CUL2: variants seen among roughly 807,000 people sequenced by gnomAD.
The protein encoded by CUL2 is cullin 2.
A neutral mutation model predicts 110.2 loss-of-function variants in CUL2; 22 were observed. The ratio of observed to expected loss-of-function variants is 0.20; its 90% confidence interval spans 0.14 to 0.28. CUL2 has a LOEUF of 0.28. CUL2 is among the 10% of genes least tolerant of loss of function. The probability of loss-of-function intolerance (pLI) is 1.00; values close to 1 mark genes in which losing one functional copy is unlikely to be tolerated. For synonymous variants in CUL2, 279 were observed against 293.2 expected (o/e 0.95, Z 0.49); for missense variants, 631 against 905.5 (o/e 0.70, Z 3.89).
At chr10:35,042,522 C>T (rs1238226659) in intron 8 of CUL2, among the ~76,000 whole-genome samples, 2 of 152,142 alleles carry the variant, frequency 1.3e-5, no homozygotes, top group African/African-American at 4.8e-5. Context: ...GGACTCTAAT[C>T]TTGCCCTACC....
chr10:35,037,034 C>G (rs1564711481), intron 9 of CUL2, among the ~76,000 whole-genome samples: 1 of 152,182 alleles, frequency 6.6e-6, no homozygotes. Flanking sequence ...ATGTAGTTCA[C>G]TGGATCAATC....
chr10:35,040,868 G>C (rs991725366), intron 8 of CUL2, among the ~76,000 whole-genome samples: 2 of 152,182 alleles, frequency 1.3e-5, no homozygotes, highest in Non-Finnish European at 2.9e-5. Flanking sequence ...CGCTCTGTGA[G>C]AATCTATGAG....
intron 1 of CUL2, among the ~76,000 whole-genome samples, chr10:35,073,550 G>A (rs77025207): frequency 6.6e-6 from 1 of 151,182 alleles, no homozygotes; most frequent in African/African-American, 2.4e-5. Context: ...ATTCTGACAG[G>A]TAGGTCCACT....
intron 2 of CUL2, among the ~76,000 whole-genome samples, chr10:35,096,457 C>T (rs1246628683): frequency 6.6e-6 from 1 of 151,362 alleles, no homozygotes; most frequent in Non-Finnish European, 1.5e-5. Flanking sequence ...ATAAATACAA[C>T]AAAATAGCAG....
intron 10 of CUL2, among the ~76,000 whole-genome samples, chr10:35,034,296 T>C (rs1397707504): frequency 6.6e-6 from 1 of 152,106 alleles, no homozygotes; most frequent in African/African-American, 2.4e-5. Flanking sequence ...AATAGAGTAA[T>C]AAACCTGAAT....
Position 35,025,202 on chromosome 10 carries a change from TAAAA to T in CUL2, c.1618-8_1618-5del. 54 of 1,434,186 alleles carry T rather than the reference TAAAA, an allele frequency of 3.8e-5. No individual in the cohort carries two copies. Among genetic ancestry groups the T allele is most frequent in the Admixed American group, 1.1e-4 (4 of 37,490 alleles). 88.8% of individuals were successfully genotyped at this position (1,434,186 alleles called of 1,614,324 possible). A position where few individuals can be genotyped will look rare whatever the true frequency, so the allele number is the denominator to read the frequency against. ...GTTGGCTATAAAATAATTCAAACTG[TAAAA>T]AAAAAAAAAAAACACACATTATTTT... is the stretch of plus-strand genomic sequence containing the variant. On this transcript the variant is annotated splice_region_variant and splice_polypyrimidine_tract_variant and intron_variant, in intron 16 of 20. Coordinates refer to ENST00000374749, the MANE Select transcript of CUL2 (RefSeq NM_003591.4).
chr10:35,088,785 A>C (rs1257497410), intron 1 of CUL2, among the ~76,000 whole-genome samples: 1 of 152,226 alleles, frequency 6.6e-6, no homozygotes, highest in African/African-American at 2.4e-5. Context: ...AAATACTCAA[A>C]AAGCAATTGA....
chr10:35,029,224 A>G (rs1047757235), intron 15 of CUL2, among the ~76,000 whole-genome samples: 3 of 151,950 alleles, frequency 2.0e-5, no homozygotes, highest in Admixed American at 6.6e-5. Context: ...CACCTGGCTA[A>G]TTTTTGCATT....
chr10:35,075,635 A>AACACACACACAC (rs34714483), intron 1 of CUL2, among the ~76,000 whole-genome samples: 98 of 140,982 alleles, frequency 7.0e-4, no homozygotes, highest in Middle Eastern at 3.6e-3. Flanking sequence ...TGGGCCCTAA[A>AACACACACACAC]ACACACACAC....
In CUL2 at chr10:35,009,233, A is replaced by G. The variant is rs893363299; in HGVS notation, c.*1078T>C. 15 of 147,744 alleles carry G rather than the reference A, an allele frequency of 1.0e-4. No homozygotes were observed. The highest frequency in any genetic ancestry group is 3.4e-4 in the African/African-American group (14 of 40,726). 9.2% of individuals were successfully genotyped at this position (147,744 alleles called of 1,614,324 possible). A position where few individuals can be genotyped will look rare whatever the true frequency, so the allele number is the denominator to read the frequency against. Reference sequence around the variant, plus strand: ...TATATATATATATAAAATAAACAAAATAATGGGATTTATATATGTGGCACC... The same window carrying G: ...TATATATATATATAAAATAAACAAAGTAATGGGATTTATATATGTGGCACC... On this transcript the variant is annotated 3_prime_UTR_variant, in exon 21 of 21. Coordinates refer to ENST00000374749, the MANE Select transcript of CUL2 (RefSeq NM_003591.4).
chr10:35,035,212 T>A lies in CUL2; in HGVS notation c.962A>T (p.Asp321Val). 6.2e-7 allele frequency: 1 copy of A among 1,614,188 alleles called. No homozygotes were observed. The highest frequency in any genetic ancestry group is 8.5e-7 in the Non-Finnish European group (1 of 1,180,030). The change falls in exon 10 of 21, where the codon GAT (aspartate) becomes GTT (valine). Residue 321 changes from aspartate (D) to valine (V), a missense_variant. By Grantham distance (152) the Asp-to-Val change is radical. Coordinates refer to ENST00000374749, the MANE Select transcript of CUL2 (RefSeq NM_003591.4). ...MIQELQNHIH[D>V]EGLRATSNLT... ...GTTGCTGGTTGCTCGAAGGCCCTCA[T>A]CATGGATGTGGTTTTGCAGCTCCTG...
chr10:35,015,365 A>G (rs945372928), intron 18 of CUL2, among the ~76,000 whole-genome samples: 3 of 152,200 alleles, frequency 2.0e-5, no homozygotes, highest in African/African-American at 7.2e-5. Flanking sequence ...AAAATTATGA[A>G]AACATTGATT....
intron 11 of CUL2, 72 bp downstream of exon 11, chr10:35,033,094 C>T: frequency 1.2e-6 from 1 of 828,726 alleles, no homozygotes; most frequent in South Asian, 2.5e-5. Flanking sequence ...TACTAGAATT[C>T]TGATCTTGAA....
chr10:35,059,022 G>C (rs1296431704), intron 4 of CUL2, among the ~76,000 whole-genome samples: 1 of 152,202 alleles, frequency 6.6e-6, no homozygotes, highest in African/African-American at 2.4e-5. Context: ...AGATGGGACT[G>C]AATTGCTGCA....
intron 1 of CUL2, among the ~76,000 whole-genome samples, chr10:35,106,975 T>C (rs2087466555): frequency 6.6e-6 from 1 of 151,940 alleles, no homozygotes; most frequent in Non-Finnish European, 1.5e-5. Flanking sequence ...TTTTTTTGTT[T>C]GTTTGTTTTT....
chr10:35,011,815 C>A, intron 20 of CUL2, 33 bp downstream of exon 20: 1 of 1,166,572 alleles, frequency 8.6e-7, no homozygotes. Flanking sequence ...TGCCCTCTAC[C>A]CTAAGAAGCC....
intron 9 of CUL2, among the ~76,000 whole-genome samples, chr10:35,035,909 G>A (rs1302825046): frequency 6.6e-6 from 1 of 152,194 alleles, no homozygotes; most frequent in Non-Finnish European, 1.5e-5. Flanking sequence ...CTAACACTGG[G>A]AGGTGAATAA....
In CUL2 at chr10:35,039,074, A is replaced by T. The variant is rs148116694; in HGVS notation, c.723T>A (p.Gly241=). 2.5e-5 allele frequency: 39 copies of T among 1,561,686 alleles called. No individual in the cohort carries two copies. In the African/African-American group the frequency reaches 5.0e-4, roughly 20 times the overall value. The change falls in exon 9 of 21, where the codon GGT becomes GGA. Residue 241 remains glycine, a synonymous_variant. Transcript: ENST00000374749. ...ATCGAATTTCTTCATCTTTTAATCTACCTAGAACCTATAAAAATATTTTCT... is the reference window on the plus strand; with the variant it reads ...ATCGAATTTCTTCATCTTTTAATCTTCCTAGAACCTATAAAAATATTTTCT... ...NCSQYMEKVL[G]RLKDEEIRCR... is the part of the protein sequence containing the mutation.
chr10:35,057,836 G>A (rs1201322202), intron 4 of CUL2, among the ~76,000 whole-genome samples: 2 of 152,024 alleles, frequency 1.3e-5, no homozygotes, highest in Non-Finnish European at 2.9e-5. Context: ...GCTCACGCCT[G>A]TAATCCCAGC....
Sources: gnomAD v4.1 joint callset for allele counts (sites outside exome capture counted in the v4.1 genomes callset) on GRCh38, gnomAD v4.1.1 for gene constraint, MANE v1.5 for transcripts, NCBI Gene and HGNC (gene_info 2026-07-23, HGNC 2026-07-21) for gene names.